Variants in SDHAF3 observed in about 807,000 individuals in gnomAD.
SDHAF3 encodes succinate dehydrogenase assembly factor 3, mitochondrial.
In SDHAF3, 18 loss-of-function variants were observed where a neutral mutation model predicts 11.5. The observed-to-expected ratio is 1.56, with a 90% CI of 1.08 to 2.32. SDHAF3 has a LOEUF of 2.32. SDHAF3 is among the 30% of genes most tolerant of loss of function. The pLI, the probability that SDHAF3 is intolerant of heterozygous loss-of-function variation, is 0.00. For synonymous variants in SDHAF3, 72 were observed against 59.3 expected, an observed-to-expected ratio of 1.21 and a Z score of -0.99; for missense variants, 200 against 154.4, an observed-to-expected ratio of 1.30 and a Z score of -1.57.
intron 1 of SDHAF3, among the ~76,000 whole-genome samples, chr7:97,149,126 G>A (rs571538677): frequency 2.4e-4 from 37 of 151,732 alleles, no homozygotes; most frequent in African/African-American, 8.2e-4. Flanking sequence ...TAGAGACATG[G>A]GTCTCACTAT....
intron 1 of SDHAF3, chr7:97,142,587 A>G (rs557219344): frequency 6.6e-6 from 1 of 152,154 alleles, no homozygotes; most frequent in Non-Finnish European, 1.5e-5. Flanking sequence ...TCTTTATAGA[A>G]CTAGTATCAA....
At chr7:97,126,865 C>T (rs973387042) in intron 1 of SDHAF3, among the ~76,000 whole-genome samples, 1 of 151,800 alleles carries the variant, frequency 6.6e-6, no homozygotes, top group African/African-American at 2.4e-5. Flanking sequence ...AAAAAAAACC[C>T]TGCAGCTAGC....
intron 1 of SDHAF3, among the ~76,000 whole-genome samples, chr7:97,134,331 A>G (rs985556273): frequency 1.3e-5 from 2 of 152,238 alleles, no homozygotes; most frequent in Non-Finnish European, 2.9e-5. Context: ...ATAGATATAT[A>G]TAACTGATAA....
At chr7:97,144,332 A>C (rs912391668) in intron 1 of SDHAF3, among the ~76,000 whole-genome samples, 3 of 152,088 alleles carry the variant, frequency 2.0e-5, no homozygotes, top group Non-Finnish European at 4.4e-5. Context: ...ATTAGGTCCC[A>C]GCTATTTATC....
chr7:97,176,633 T>C (rs1264183808), intron 1 of SDHAF3, among the ~76,000 whole-genome samples: 2 of 152,126 alleles, frequency 1.3e-5, no homozygotes, highest in African/African-American at 4.8e-5. Flanking sequence ...TAGTCGGTAA[T>C]GGGTGGTGTA....
intron 1 of SDHAF3, among the ~76,000 whole-genome samples, chr7:97,171,270 A>T (rs992296917): frequency 2.0e-5 from 3 of 152,036 alleles, no homozygotes; most frequent in Non-Finnish European, 4.4e-5. Context: ...ATTTTGGGGG[A>T]AAGTTACCTT....
At chr7:97,149,175 G>A (rs916262854) in intron 1 of SDHAF3, among the ~76,000 whole-genome samples, 8 of 151,934 alleles carry the variant, frequency 5.3e-5, no homozygotes, top group East Asian at 1.9e-4. Flanking sequence ...GGGCTCAAGC[G>A]ATTCTTCCGC....
At chr7:97,156,364 T>G (rs572726568) in intron 1 of SDHAF3, among the ~76,000 whole-genome samples, 2 of 152,314 alleles carry the variant, frequency 1.3e-5, no homozygotes, top group African/African-American at 4.8e-5. Context: ...CCATATCAGG[T>G]GTACATTATT....
At chr7:97,153,825 T>C (rs1409812648) in intron 1 of SDHAF3, among the ~76,000 whole-genome samples, 1 of 152,234 alleles carries the variant, frequency 6.6e-6, no homozygotes, top group East Asian at 1.9e-4. Context: ...TTCTGTAGTG[T>C]ATCCTTGCCA....
rs908823376 is a variant in SDHAF3 at position 97,153,649 on chromosome 7, A to G, written c.175-27363A>G. Among the ~76,000 whole-genome samples the G allele has an allele frequency of 9.2e-5, 14 of 152,308 alleles. No homozygotes were observed. In the East Asian group the frequency reaches 2.5e-3, roughly 27 times the overall value. On this transcript the variant is annotated intron_variant, in intron 1 of 1. Coordinates refer to ENST00000432641, the MANE Select transcript of SDHAF3 (RefSeq NM_020186.3). ...AAGTGTCTTCCAAAGTGGCTGTACC[A>G]TTTTACATTTCCACCAGCGGTGAAT...
chr7:97,180,825 TA>T (rs1789759627), intron 1 of SDHAF3, among the ~76,000 whole-genome samples, 186 bp from the exon 2 acceptor site: 1 of 152,172 alleles, frequency 6.6e-6, no homozygotes, highest in Non-Finnish European at 1.5e-5. Context: ...CTTAAAGTGC[TA>T]AAAATAGATA....
In SDHAF3 at chr7:97,181,146, G is replaced by A. The variant is rs1306568296; in HGVS notation, c.309G>A (p.Glu103=). ...FRDEQIGQLQ[E]LMQEATKPNR... ...ATGAACAAATTGGACAGTTGCAGGA[G>A]CTGATGCAAGAAGCCACAAAACCCA... The change falls in exon 2 of 2, where the codon GAG becomes GAA. Residue 103 remains glutamate (E), a synonymous_variant. Transcript: ENST00000432641. The A allele has an allele frequency of 6.2e-7, 1 of 1,613,952 alleles. No individual in the cohort carries two copies. Among genetic ancestry groups the A allele is most frequent in the Admixed American group, 1.7e-5 (1 of 60,006 alleles).
At chr7:97,165,803 G>C (rs1789495274) in intron 1 of SDHAF3, among the ~76,000 whole-genome samples, 2 of 152,138 alleles carry the variant, frequency 1.3e-5, no homozygotes, top group Admixed American at 1.3e-4. Flanking sequence ...GTTTTAGCTG[G>C]TCAGTACAGT....
chr7:97,153,030 AAGG>A (rs1789250549), intron 1 of SDHAF3, among the ~76,000 whole-genome samples: 2 of 152,220 alleles, frequency 1.3e-5, no homozygotes, highest in African/African-American at 4.8e-5. Flanking sequence ...GTCTCCAAGC[AAGG>A]AGGATGTTTG....
chr7:97,173,915 A>G (rs916140095), intron 1 of SDHAF3, among the ~76,000 whole-genome samples: 14 of 148,564 alleles, frequency 9.4e-5, no homozygotes, highest in African/African-American at 3.2e-4. Flanking sequence ...TTTTGTTAGC[A>G]GCTTTTTTTT....
chr7:97,173,166 C>T (rs1789630350), intron 1 of SDHAF3, among the ~76,000 whole-genome samples: 1 of 152,208 alleles, frequency 6.6e-6, no homozygotes, highest in Non-Finnish European at 1.5e-5. Flanking sequence ...AGGCTGTGGA[C>T]TGCACCACTA....
Position 97,181,000 on chromosome 7 carries a change from T to G in SDHAF3, c.175-12T>G. ...ACTTTACATCTATAACCTTCATTCT[T>G]TATCTTTTTAGGTGTATGCAACAGC... On this transcript the variant is annotated splice_polypyrimidine_tract_variant and intron_variant, in intron 1 of 1. Coordinates refer to ENST00000432641, the MANE Select transcript of SDHAF3 (RefSeq NM_020186.3). The G allele has an allele frequency of 6.2e-7, 1 of 1,602,900 alleles. No individual in the cohort carries two copies. The highest frequency in any genetic ancestry group is 8.5e-7 in the Non-Finnish European group (1 of 1,175,502).
intron 1 of SDHAF3, among the ~76,000 whole-genome samples, chr7:97,179,990 A>G (rs1789745978): frequency 6.6e-6 from 1 of 152,216 alleles, no homozygotes; most frequent in Non-Finnish European, 1.5e-5. Flanking sequence ...ATTCACTTTA[A>G]CTTCATGAAC....
chr7:97,129,512 A>G (rs1791632895), intron 1 of SDHAF3, among the ~76,000 whole-genome samples: 1 of 152,220 alleles, frequency 6.6e-6, no homozygotes, highest in African/African-American at 2.4e-5. Context: ...CTGCTAGTTT[A>G]GTCTGGCTTT....
Sources: allele counts gnomAD v4.1 joint callset (sites outside exome capture counted in the v4.1 genomes callset), GRCh38; gene constraint gnomAD v4.1.1; transcripts MANE v1.5; gene names NCBI Gene and HGNC (gene_info 2026-07-23, HGNC 2026-07-21).